SMG1: variants seen among roughly 807,000 people sequenced by gnomAD.
The protein encoded by SMG1 is serine/threonine-protein kinase SMG1.
A neutral mutation model predicts 419.9 loss-of-function variants in SMG1; 22 were observed. The ratio of observed to expected loss-of-function variants is 0.05; its 90% CI spans 0.04 to 0.07. The LOEUF (loss-of-function observed/expected upper bound fraction) is 0.07, where lower values mean the gene tolerates loss of function less well. Ranked by LOEUF, SMG1 falls within the 10% of genes least tolerant of loss-of-function variation. SMG1 has a pLI of 1.00. For synonymous variants in SMG1, 1,538 were observed against 1,553.5 expected, an observed-to-expected ratio of 0.99 and a Z score of 0.23; for missense variants, 3,185 against 4,342.0, an observed-to-expected ratio of 0.73 and a Z score of 7.49.
rs2035538081 is a variant in SMG1 at position 18,866,820 on chromosome 16, C to T, written c.3196-45G>A. 6 of 1,541,104 alleles carry T rather than the reference C, an allele frequency of 3.9e-6. No individual in the cohort carries two copies. The East Asian group carries it at 1.1e-4, about 29-fold the overall frequency. On this transcript the variant is annotated intron_variant, in intron 22 of 62. Transcript: ENST00000446231. ...AATTAGTCACCCAATACCATTAAAA[C>T]ATAAATCCCTATAAAATTTACAACT...
intron 23 of SMG1, among the ~76,000 whole-genome samples, chr16:18,865,136 T>A (rs554962167): frequency 6.6e-6 from 1 of 152,242 alleles, no homozygotes; most frequent in South Asian, 2.1e-4. Context: ...GCATCAACAA[T>A]CTTAGTATTT....
intron 8 of SMG1, chr16:18,884,757 C>T: frequency 4.6e-6 from 1 of 215,056 alleles, no homozygotes; most frequent in East Asian, 1.1e-4. Flanking sequence ...AAAAAAATTA[C>T]CAGAAAAACA....
At chr16:18,918,711 G>C (rs1474913649) in intron 1 of SMG1, among the ~76,000 whole-genome samples, 1 of 152,120 alleles carries the variant, frequency 6.6e-6, no homozygotes, top group Non-Finnish European at 1.5e-5. Flanking sequence ...ACTGCATCCA[G>C]CTAATTTTTG....
chr16:18,913,078 A>G (rs2037850159), intron 1 of SMG1, among the ~76,000 whole-genome samples: 1 of 152,124 alleles, frequency 6.6e-6, no homozygotes, highest in Admixed American at 6.5e-5. Context: ...GGGTCTCATT[A>G]TACAAAGAGG....
At chr16:18,878,366 G>A (rs1025895024) in intron 11 of SMG1, 1 of 151,534 alleles carries the variant, frequency 6.6e-6, no homozygotes, top group African/African-American at 2.4e-5. Context: ...CCAGCACTTT[G>A]GGAGGGCAAG....
At chr16:18,874,625 G>A (rs963407588) in intron 13 of SMG1, among the ~76,000 whole-genome samples, 1 of 148,654 alleles carries the variant, frequency 6.7e-6, no homozygotes, top group African/African-American at 2.5e-5. Context: ...CAGCACTTTG[G>A]GAGGCTGAGG....
intron 6 of SMG1, among the ~76,000 whole-genome samples, chr16:18,887,516 CTT>C (rs574179061): frequency 6.4e-5 from 7 of 110,116 alleles, no homozygotes; most frequent in African/African-American, 1.0e-4. Context: ...TTTTTTTTTC[CTT>C]TTTTTTTTTT....
At chr16:18,885,419 T>C in intron 7 of SMG1, 122 bp downstream of exon 7, 1 of 1,293,628 alleles carries the variant, frequency 7.7e-7, no homozygotes, top group South Asian at 1.2e-5. Context: ...CCCTGGAACC[T>C]CAAATATCAC....
chr16:18,863,561 C>T (rs755471409), intron 25 of SMG1, 89 bp downstream of exon 25: 21 of 1,200,762 alleles, frequency 1.7e-5, no homozygotes, highest in Non-Finnish European at 2.6e-5. Context: ...TGTATTACTA[C>T]ATATGACCAA....
chr16:18,864,030 G>A lies in SMG1; in HGVS notation c.3465C>T (p.Asn1155=), dbSNP rs1362022627. ...TCAGAGAATGTTTCGGGCTGGCACTGTTACGCCCAGCATTGGCTAAGGTGA... is the reference window on the plus strand; with the variant it reads ...TCAGAGAATGTTTCGGGCTGGCACTATTACGCCCAGCATTGGCTAAGGTGA... The part of the protein sequence containing the change: ...SVLTLANAGR[N]SASPKHSLNG... Residue 1155 remains asparagine (N), a synonymous_variant, in exon 24 of 63, where the codon AAC becomes AAT. Coordinates refer to ENST00000446231, the MANE Select transcript of SMG1 (RefSeq NM_015092.5). 10 of 1,549,988 alleles carry A rather than the reference G, an allele frequency of 6.5e-6. No individual in the cohort carries two copies. The highest frequency in any genetic ancestry group is 2.4e-5 in the East Asian group (1 of 40,928).
chr16:18,900,231 T>C (rs2037293292), intron 1 of SMG1: 1 of 435,956 alleles, frequency 2.3e-6, no homozygotes, highest in African/African-American at 2.0e-5. Flanking sequence ...AGAGGCTTAA[T>C]GTGGCAACCA....
chr16:18,884,926 G>T, intron 8 of SMG1, 164 bp downstream of exon 8: 1 of 612,642 alleles, frequency 1.6e-6, no homozygotes, highest in Non-Finnish European at 2.9e-6. Flanking sequence ...AATTTCCTCT[G>T]AAAATACATA....
Position 18,815,579 on chromosome 16 carries a change from A to G in SMG1, c.10375T>C (p.Tyr3459His). The change falls in exon 59 of 63, where the codon TAT becomes CAT. Residue 3459 changes from tyrosine (Y) to histidine (H), a missense_variant. By Grantham distance (83) the Tyr-to-His change is moderately conservative. Coordinates refer to ENST00000446231, the MANE Select transcript of SMG1 (RefSeq NM_015092.5). ...TGAATGTTGTCTTGCCATGATTTAT[A>G]TTCACCCAAAAACTGCCTAACACTG... Reference protein sequence around the residue: ...ENSVRQFLGEYKSWQDNIQTV... With the variant: ...ENSVRQFLGEHKSWQDNIQTV... 6.2e-7 allele frequency: 1 copy of G among 1,614,000 alleles called. No individual in the cohort carries two copies. Among genetic ancestry groups the G allele is most frequent in the African/African-American group, 1.3e-5 (1 of 75,056 alleles).
In SMG1 at chr16:18,874,637, G is replaced by A. The variant is rs551664129; in HGVS notation, c.1890+1487C>T. On this transcript the variant is annotated intron_variant, in intron 13 of 62. Transcript: ENST00000446231. ...TTCCAGCACTTTGGGAGGCTGAGGC[G>A]GGTGGATCACCTGAGGTCAGGAGTT... is the stretch of plus-strand genomic sequence containing the variant. Among the ~76,000 whole-genome samples, 129 of 148,112 alleles carry A rather than the reference G, an allele frequency of 8.7e-4. 1 individual carries two copies. The highest frequency in any genetic ancestry group is 2.8e-3 in the African/African-American group (114 of 40,638).
chr16:18,853,961 G>A lies in SMG1; in HGVS notation c.4484-94C>T. 6 of 1,150,590 alleles carry A rather than the reference G, an allele frequency of 5.2e-6. No homozygotes were observed. In the South Asian group the frequency reaches 8.0e-5, roughly 15 times the overall value. 71.3% of individuals were successfully genotyped at this position (1,150,590 alleles called of 1,614,324 possible). ...AGGAAACAAATATCAACATGGTGAT[G>A]ACACCACCATGTTGATGGTTTCAAA... is the stretch of plus-strand genomic sequence containing the variant. On this transcript the variant is annotated intron_variant, in intron 30 of 62. Coordinates refer to ENST00000446231, the MANE Select transcript of SMG1 (RefSeq NM_015092.5).
chr16:18,918,291 G>C (rs193062401), intron 1 of SMG1, among the ~76,000 whole-genome samples: 1 of 151,772 alleles, frequency 6.6e-6, no homozygotes, highest in African/African-American at 2.4e-5. Flanking sequence ...AACAAACAAA[G>C]AAAAAAACAC....
rs1268736174 is a variant in SMG1, at chr16:18,896,324, T to C, written c.257-117A>G. 3.4e-5 allele frequency: 31 copies of C among 923,972 alleles called. 1 individual carries two copies. In the South Asian group the frequency reaches 4.1e-4, roughly 12 times the overall value. 57.2% of individuals were successfully genotyped at this position (923,972 alleles called of 1,614,324 possible). A position where few individuals can be genotyped will look rare whatever the true frequency, so the allele number is the denominator to read the frequency against. ...CAGCTCAACCAGCCTTTGCTTCTCCTACCTTTTTCCTGTACTGTCTGCCTT... is the reference window on the plus strand; with the variant it reads ...CAGCTCAACCAGCCTTTGCTTCTCCCACCTTTTTCCTGTACTGTCTGCCTT... On this transcript the variant is annotated intron_variant, in intron 2 of 62. Transcript: ENST00000446231.
intron 10 of SMG1, among the ~76,000 whole-genome samples, chr16:18,880,729 G>GGGT (rs1567417664): frequency 7.5e-6 from 1 of 133,460 alleles, no homozygotes; most frequent in African/African-American, 2.8e-5. Context: ...AAAGGGGGGG[G>GGGT]GCGCGGAGGG....
rs765342518 is a variant in SMG1, at chr16:18,833,156, G to A, written c.8576C>T (p.Ser2859Leu). 38 of 1,613,286 alleles carry A rather than the reference G, an allele frequency of 2.4e-5. No individual in the cohort carries two copies. The highest frequency in any genetic ancestry group is 2.7e-5 in the Non-Finnish European group (32 of 1,179,574). ...TGGAAATATGATTTGCCGGAAATTC[G>A]AATTCAATTCCTATAAATATATGAG... is the stretch of plus-strand genomic sequence containing the variant. ...GVYTSLQELNSNFRQIIFPEA... is the reference protein window; with the variant it reads ...GVYTSLQELNLNFRQIIFPEA... Residue 2859 changes from serine to leucine, a missense_variant, in exon 51 of 63, where the codon TCG becomes TTG. Physicochemically the swap from Ser to Leu is moderately radical, Grantham distance 145 (BLOSUM62 -2). Coordinates refer to ENST00000446231, the MANE Select transcript of SMG1 (RefSeq NM_015092.5).
Sources: allele counts gnomAD v4.1 joint callset (sites outside exome capture counted in the v4.1 genomes callset), GRCh38; gene constraint gnomAD v4.1.1; transcripts MANE v1.5; gene names NCBI Gene and HGNC (gene_info 2026-07-23, HGNC 2026-07-21).